The following GALNT12 variants were observed in gnomAD, a reference collection of about 807,000 sequenced individuals.
The protein encoded by GALNT12 is UDP-GalNAc:polypeptide N-acetylgalactosaminyltransferase 12.
In GALNT12, 45 loss-of-function variants were observed where a neutral mutation model predicts 55.5. The ratio of observed to expected loss-of-function variants is 0.81; its 90% CI spans 0.64 to 1.04. The LOEUF is 1.04. GALNT12 is among the 50% of genes least tolerant of loss of function. The pLI, the probability that GALNT12 is intolerant of heterozygous loss-of-function variation, is 0.00. For missense variants in GALNT12, 709 were observed against 754.8 expected (o/e 0.94, Z 0.71); for synonymous variants, 304 against 312.2 (o/e 0.97, Z 0.28).
At position 98,831,924 on chromosome 9, in the gene GALNT12, G is replaced by A. The variant is rs762729583; in HGVS notation, c.884G>A (p.Arg295Lys). The change falls in exon 4 of 10, where the codon AGG (arginine) becomes AAG (lysine). Residue 295 changes from arginine to lysine, a missense_variant. Around this residue, in one of 5 missense-constraint regions of GALNT12, gnomAD observed 315 missense variants for 288.6 expected, o/e 1.09. Coordinates refer to ENST00000375011, the MANE Select transcript of GALNT12 (RefSeq NM_024642.5). Reference sequence around the variant, plus strand: ...TGGCACACAGTTCCTGAGAGGGAGAGGATACGGATGCAATCCCCCGTCGAT... The same window carrying A: ...TGGCACACAGTTCCTGAGAGGGAGAAGATACGGATGCAATCCCCCGTCGAT... ...FTWHTVPERE[R>K]IRMQSPVDVI... 5.0e-6 allele frequency: 8 copies of A among 1,614,104 alleles called. No homozygotes were observed. The highest frequency in any genetic ancestry group is 6.8e-6 in the Non-Finnish European group (8 of 1,179,998).
At chr9:98,808,152 A>G (rs1367537482) in intron 1 of GALNT12, 83 bp downstream of exon 1, 6 of 1,153,768 alleles carry the variant, frequency 5.2e-6, no homozygotes, top group Non-Finnish European at 6.2e-6. Flanking sequence ...CAGGGCGGGG[A>G]GCTGGGGTCT....
At chr9:98,820,803 G>A (rs1248097723) in intron 1 of GALNT12, among the ~76,000 whole-genome samples, 1 of 152,080 alleles carries the variant, frequency 6.6e-6, no homozygotes, top group African/African-American at 2.4e-5. Flanking sequence ...GACGGGTGTG[G>A]GATTGTATCT....
chr9:98,845,953 A>G (rs747340539), intron 8 of GALNT12, 24 bp from the exon 9 acceptor site: 1 of 1,613,440 alleles, frequency 6.2e-7, no homozygotes. Context: ...ATGTTGTGTT[A>G]CATGTTGGCT....
chr9:98,830,133 C>A (rs1356825344), intron 3 of GALNT12, among the ~76,000 whole-genome samples: 1 of 152,248 alleles, frequency 6.6e-6, no homozygotes, highest in Admixed American at 6.5e-5. Context: ...TTAAACACAC[C>A]AATGCCTGGT....
rs1157216774 is a variant in GALNT12 at position 98,823,223 on chromosome 9, TCCTGAG to T, written c.372-32_372-27del. 6 of 1,609,816 alleles carry T rather than the reference TCCTGAG, an allele frequency of 3.7e-6. No homozygotes were observed. In the South Asian group the frequency reaches 5.5e-5, roughly 15 times the overall value. ...ATCCCCAGTGCCAGCCTGGGCTAGA[TCCTGAG>T]TTCCTGAAGTTCCGCTGTATTTGCA... On this transcript the variant is annotated intron_variant, in intron 1 of 9. Coordinates refer to ENST00000375011, the MANE Select transcript of GALNT12 (RefSeq NM_024642.5).
rs536632286 is a variant in GALNT12, at chr9:98,841,188, T to C, written c.1344+1055T>C. Among the ~76,000 whole-genome samples the C allele has an allele frequency of 4.2e-4, 64 of 152,354 alleles. No individual in the cohort carries two copies. In the South Asian group the frequency reaches 0.011, roughly 27 times the overall value. ...CTTGTTGAAAAAACAATATGTTACCTGTGGAGTGTCTCACTCTTGCAATTG... is the reference window on the plus strand; with the variant it reads ...CTTGTTGAAAAAACAATATGTTACCCGTGGAGTGTCTCACTCTTGCAATTG... On this transcript the variant is annotated intron_variant, in intron 7 of 9. Coordinates refer to ENST00000375011, the MANE Select transcript of GALNT12 (RefSeq NM_024642.5).
chr9:98,845,292 T>C (rs964614559), intron 8 of GALNT12, among the ~76,000 whole-genome samples: 4 of 152,072 alleles, frequency 2.6e-5, no homozygotes, highest in African/African-American at 9.7e-5. Context: ...AACACCCACC[T>C]GTGTCAGAAT....
At chr9:98,828,362 C>T (rs903904594) in intron 3 of GALNT12, among the ~76,000 whole-genome samples, 2 of 152,196 alleles carry the variant, frequency 1.3e-5, no homozygotes, top group African/African-American at 4.8e-5. Context: ...GCTCCTCTGG[C>T]CTGTGATGGA....
intron 3 of GALNT12, among the ~76,000 whole-genome samples, chr9:98,829,666 C>T (rs1835948245): frequency 6.6e-6 from 1 of 152,140 alleles, no homozygotes; most frequent in Admixed American, 6.5e-5. Flanking sequence ...CTCTCTGTCT[C>T]CATGAGTTCA....
intron 9 of GALNT12, 136 bp from the exon 10 acceptor site, chr9:98,848,816 C>T (rs906844484): frequency 9.9e-6 from 10 of 1,005,792 alleles, no homozygotes; most frequent in African/African-American, 9.6e-5. Flanking sequence ...TGAGTTGCTG[C>T]GTTACACGGA....
In GALNT12 at chr9:98,846,135, C is replaced by G. The variant is rs919219222; in HGVS notation, c.1605+12C>G. The G allele has an allele frequency of 6.2e-7, 1 of 1,613,996 alleles. No individual in the cohort carries two copies. The highest frequency in any genetic ancestry group is 8.5e-7 in the Non-Finnish European group (1 of 1,179,886). ...TCATCTTGCAGGAGGTAGGTGAACT[C>G]TCTCCTTCCTTCCTGCTGACAGTCC... On this transcript the variant is annotated intron_variant, in intron 9 of 9. Transcript: ENST00000375011.
chr9:98,810,797 A>G (rs897071098), intron 1 of GALNT12, among the ~76,000 whole-genome samples: 5 of 152,192 alleles, frequency 3.3e-5, no homozygotes, highest in Non-Finnish European at 7.4e-5. Flanking sequence ...GGATTCGAGT[A>G]TAGTTTTGTT....
rs181577074 is a variant in GALNT12 at position 98,844,535 on chromosome 9, A to G, written c.1458+326A>G. 1.9e-3 allele frequency: 653 copies of G among 344,638 alleles called. 2 individuals are homozygous for G. The highest frequency in any genetic ancestry group is 2.9e-3 in the Non-Finnish European group (528 of 182,238). 21.3% of individuals were successfully genotyped at this position (344,638 alleles called of 1,614,324 possible). A position where few individuals can be genotyped will look rare whatever the true frequency, so the allele number is the denominator to read the frequency against. On this transcript the variant is annotated intron_variant, in intron 8 of 9. Coordinates refer to ENST00000375011, the MANE Select transcript of GALNT12 (RefSeq NM_024642.5). ...ATTCCTAGTGGCCACTTGATATTTC[A>G]TTTTGTACCTGTATTACTGTTTCGT...
chr9:98,834,671 C>G (rs933383793), intron 4 of GALNT12, among the ~76,000 whole-genome samples: 10 of 152,198 alleles, frequency 6.6e-5, no homozygotes, highest in African/African-American at 2.4e-4. Flanking sequence ...GCCAGAGTTG[C>G]CTTTAGGGCC....
At chr9:98,848,766 C>T (rs968479227) in intron 9 of GALNT12, 186 bp from the exon 10 acceptor site, 17 of 684,782 alleles carry the variant, frequency 2.5e-5, no homozygotes, top group Non-Finnish European at 3.5e-5. Context: ...AAGCGGGACG[C>T]AGCCTGTACA....
chr9:98,808,508 A>T (rs765361543), intron 1 of GALNT12, among the ~76,000 whole-genome samples: 1 of 152,224 alleles, frequency 6.6e-6, no homozygotes, highest in Non-Finnish European at 1.5e-5. Context: ...AGGGACAAAC[A>T]AGATGCGAGG....
At chr9:98,816,847 C>G (rs1235316713) in intron 1 of GALNT12, among the ~76,000 whole-genome samples, 1 of 128,208 alleles carries the variant, frequency 7.8e-6, no homozygotes. Context: ...TTTTGAGACA[C>G]AGTCTTGCTC....
chr9:98,809,968 T>C lies in GALNT12; in HGVS notation c.371+1899T>C, dbSNP rs114305917. On this transcript the variant is annotated intron_variant, in intron 1 of 9. Transcript: ENST00000375011. The stretch of plus-strand genomic sequence containing the variant: ...CATGATAAGGAGTGTGAATGCCTCC[T>C]GCTTCTAATTCCTGCAGCAAGGCCT... Among the ~76,000 whole-genome samples, 1,200 of 152,334 alleles carry C rather than the reference T, an allele frequency of 7.9e-3. 17 individuals are homozygous for C. Among genetic ancestry groups the C allele is most frequent in the African/African-American group, 0.027 (1,131 of 41,560 alleles).
intron 6 of GALNT12, among the ~76,000 whole-genome samples, chr9:98,839,375 AC>A (rs1311373381): frequency 6.6e-6 from 1 of 152,222 alleles, no homozygotes; most frequent in African/African-American, 2.4e-5. Context: ...ATATTTCTGC[AC>A]TCAGCATTTT....
Sources: allele counts gnomAD v4.1 joint callset (sites outside exome capture counted in the v4.1 genomes callset), GRCh38; gene constraint gnomAD v4.1.1; regional missense constraint gnomAD v4.1.1; transcripts MANE v1.5; gene names NCBI Gene and HGNC (gene_info 2026-07-23, HGNC 2026-07-21).